The following ASTN1 variants were observed in gnomAD, a reference collection of about 807,000 sequenced individuals.
ASTN1 encodes the protein astrotactin-1.
ASTN1 carries 41 observed loss-of-function variants against 140.7 expected under a neutral mutation model. That is an observed-to-expected ratio of 0.29 (90% CI 0.23 to 0.38). The LOEUF (loss-of-function observed/expected upper bound fraction) is 0.38, where lower values mean the gene tolerates loss of function less well. Among genes scored for constraint, ASTN1 ranks in the 10% least tolerant of loss-of-function variants. The pLI, the probability that ASTN1 is intolerant of heterozygous loss-of-function variation, is 1.00. For missense variants in ASTN1, 1,479 were observed against 1,678.8 expected, an observed-to-expected ratio of 0.88 and a Z score of 2.08; for synonymous variants, 640 against 652.2, an observed-to-expected ratio of 0.98 and a Z score of 0.29.
At chr1:176,911,354 T>A (rs1432189928) in intron 16 of ASTN1, among the ~76,000 whole-genome samples, 1 of 152,156 alleles carries the variant, frequency 6.6e-6, no homozygotes, top group Non-Finnish European at 1.5e-5. Context: ...TGTTTTTCTT[T>A]CTGCAATAAT....
At chr1:177,148,697 T>A (rs1049861114) in intron 1 of ASTN1, among the ~76,000 whole-genome samples, 1 of 151,436 alleles carries the variant, frequency 6.6e-6, no homozygotes, top group African/African-American at 2.4e-5. Context: ...TATAAAGAGA[T>A]GGTGCATTAC....
At chr1:176,925,402 TC>T (rs1254522927) in intron 16 of ASTN1, among the ~76,000 whole-genome samples, 1 of 152,186 alleles carries the variant, frequency 6.6e-6, no homozygotes, top group Non-Finnish European at 1.5e-5. Context: ...TGGGAGCTTG[TC>T]AGAAACGCAG....
chr1:176,993,269 T>C (rs1674276510), intron 8 of ASTN1, among the ~76,000 whole-genome samples: 1 of 152,226 alleles, frequency 6.6e-6, no homozygotes, highest in African/African-American at 2.4e-5. Flanking sequence ...AGAGAAGGTA[T>C]AGTCCATGTC....
chr1:177,059,254 T>G (rs947114283), intron 2 of ASTN1, among the ~76,000 whole-genome samples: 5 of 152,198 alleles, frequency 3.3e-5, no homozygotes, highest in African/African-American at 1.2e-4. Flanking sequence ...CATTGTGCCC[T>G]TCTTTTTAGT....
intron 18 of ASTN1, among the ~76,000 whole-genome samples, chr1:176,886,839 T>G (rs1468150186): frequency 1.3e-5 from 2 of 152,238 alleles, no homozygotes; most frequent in South Asian, 2.1e-4. Flanking sequence ...TCAGGATTTC[T>G]TTGCCTTACC....
intron 1 of ASTN1, among the ~76,000 whole-genome samples, chr1:177,130,204 A>G (rs183337932): frequency 2.0e-5 from 3 of 152,284 alleles, no homozygotes; most frequent in African/African-American, 7.2e-5. Context: ...AATTCCTTTT[A>G]CAAAACAGCC....
chr1:177,011,090 T>C (rs377290596), intron 8 of ASTN1, among the ~76,000 whole-genome samples: 7 of 152,154 alleles, frequency 4.6e-5, no homozygotes, highest in African/African-American at 1.2e-4. Context: ...ATCCTCTCTC[T>C]GTAAAGTGAA....
intron 16 of ASTN1, among the ~76,000 whole-genome samples, chr1:176,921,105 G>A (rs1670705212): frequency 6.6e-6 from 1 of 152,172 alleles, no homozygotes; most frequent in African/African-American, 2.4e-5. Flanking sequence ...TAGAGTAGAT[G>A]GCCATTAGGG....
At chr1:176,943,740 T>C (rs553773669) in intron 14 of ASTN1, 151 bp downstream of exon 14, 9 of 995,648 alleles carry the variant, frequency 9.0e-6, no homozygotes, top group Middle Eastern at 2.2e-4. Context: ...ATAATCCTAC[T>C]AGCATTCAGT....
chr1:177,025,122 A>C (rs1676042027), intron 5 of ASTN1, among the ~76,000 whole-genome samples: 1 of 152,182 alleles, frequency 6.6e-6, no homozygotes, highest in African/African-American at 2.4e-5. Flanking sequence ...CTCTTCACAG[A>C]GGGCATTCTG....
intron 11 of ASTN1, among the ~76,000 whole-genome samples, chr1:176,955,513 C>T (rs1352973360): frequency 1.3e-5 from 2 of 152,250 alleles, no homozygotes; most frequent in Admixed American, 6.5e-5. Flanking sequence ...CCAGAAGCCA[C>T]GTGGTCCAGT....
intron 16 of ASTN1, among the ~76,000 whole-genome samples, chr1:176,923,401 C>G (rs1269964307): frequency 1.3e-5 from 2 of 152,118 alleles, no homozygotes; most frequent in Admixed American, 6.5e-5. Flanking sequence ...AAACAAAGAA[C>G]CCAGTTCTCC....
At chr1:176,913,203 CAG>C (rs777316182) in intron 16 of ASTN1, among the ~76,000 whole-genome samples, 2 of 152,300 alleles carry the variant, frequency 1.3e-5, no homozygotes, top group Non-Finnish European at 1.5e-5. Context: ...GGAAGGAAGA[CAG>C]GGGTTGCCAT....
chr1:177,087,096 G>A (rs1679507473), intron 1 of ASTN1, among the ~76,000 whole-genome samples: 1 of 152,240 alleles, frequency 6.6e-6, no homozygotes, highest in Admixed American at 6.5e-5. Context: ...CCTCCTGGCA[G>A]GGATAATGGG....
At chr1:176,878,261 C>T (rs1451378200) in intron 20 of ASTN1, among the ~76,000 whole-genome samples, 1 of 152,218 alleles carries the variant, frequency 6.6e-6, no homozygotes, top group African/African-American at 2.4e-5. Flanking sequence ...AAGTGTGCAG[C>T]CCTTCACTCC....
At chr1:177,052,182 T>C (rs1558060440) in intron 2 of ASTN1, among the ~76,000 whole-genome samples, 1 of 152,204 alleles carries the variant, frequency 6.6e-6, no homozygotes, top group Non-Finnish European at 1.5e-5. Context: ...GTCTTTTCCC[T>C]AAGCACAATC....
At chr1:176,948,808 C>T (rs1571553554) in intron 12 of ASTN1, among the ~76,000 whole-genome samples, 1 of 152,272 alleles carries the variant, frequency 6.6e-6, no homozygotes, top group South Asian at 2.1e-4. Context: ...ACACTCTTTC[C>T]CGAGTTTTAA....
Position 176,951,884 on chromosome 1 carries a change from A to G in ASTN1, c.1888-2533T>C, listed in dbSNP as rs144793703. On this transcript the variant is annotated intron_variant, in intron 11 of 22. Transcript: ENST00000361833. ...ATTCTTTGTGTAGAATGGTCTACAT[A>G]TGTTATCTTCAACCCAATAACACAG... 7.1e-3 allele frequency among the ~76,000 whole-genome samples: 1,083 copies of G among 152,344 alleles called. 15 individuals are homozygous for G. The highest frequency in any genetic ancestry group is 0.034 in the South Asian group (165 of 4,820).
chr1:177,125,538 C>T (rs1376916040), intron 1 of ASTN1, among the ~76,000 whole-genome samples: 1 of 152,194 alleles, frequency 6.6e-6, no homozygotes, highest in Non-Finnish European at 1.5e-5. Flanking sequence ...ATGCATCCTT[C>T]ACAACCCCTC....
Sources: allele counts gnomAD v4.1 joint callset (sites outside exome capture counted in the v4.1 genomes callset), GRCh38; gene constraint gnomAD v4.1.1; transcripts MANE v1.5; gene names NCBI Gene and HGNC (gene_info 2026-07-23, HGNC 2026-07-21).